The following PAX5 variants were observed in gnomAD, a reference collection of about 807,000 sequenced individuals.
The protein encoded by PAX5 is paired box protein Pax-5.
In PAX5, 9 loss-of-function variants were observed where a neutral mutation model predicts 43.7. That is an observed-to-expected ratio of 0.21 (90% CI 0.12 to 0.36). The LOEUF (loss-of-function observed/expected upper bound fraction) is 0.36. PAX5 is among the 10% of genes least tolerant of loss of function. The pLI is 1.00. For synonymous variants in PAX5, 228 were observed against 214.3 expected (o/e 1.06, Z -0.56); for missense variants, 383 against 532.7 (o/e 0.72, Z 2.77).
At chr9:36,932,545 C>T (rs74624293) in intron 6 of PAX5, among the ~76,000 whole-genome samples, 5,926 of 152,184 alleles carry the variant, frequency 0.039, 150 homozygotes, top group East Asian at 0.096. Flanking sequence ...GAGCACAGAT[C>T]CATGATTGGC....
Position 36,969,595 on chromosome 9 carries a change from G to A in PAX5, c.605-2871C>T, listed in dbSNP as rs560144818. Among the ~76,000 whole-genome samples, 210 of 152,350 alleles carry A rather than the reference G, an allele frequency of 1.4e-3. 1 individual carries two copies. The highest frequency in any genetic ancestry group is 4.7e-3 in the African/African-American group (197 of 41,570). On this transcript the variant is annotated intron_variant, in intron 5 of 9. Transcript: ENST00000358127. The stretch of plus-strand genomic sequence containing the variant: ...CAGCACAGGCAGCCTCGCTGGACAC[G>A]CGCCCCTCTCTGCAGTCTCCCCAGA...
At chr9:36,905,224 C>T (rs151278866) in intron 7 of PAX5, among the ~76,000 whole-genome samples, 171 of 152,310 alleles carry the variant, frequency 1.1e-3, no homozygotes, top group African/African-American at 3.6e-3. Flanking sequence ...CCGGGGAGGC[C>T]GGACCCCTGG....
At chr9:36,918,742 T>A (rs1000945969) in intron 7 of PAX5, among the ~76,000 whole-genome samples, 2 of 152,158 alleles carry the variant, frequency 1.3e-5, no homozygotes, top group Non-Finnish European at 2.9e-5. Context: ...GCACTAACTC[T>A]CTTTAATTTT....
At chr9:36,848,719 C>A (rs532854607) in intron 8 of PAX5, among the ~76,000 whole-genome samples, 1 of 152,280 alleles carries the variant, frequency 6.6e-6, no homozygotes, top group African/African-American at 2.4e-5. Context: ...GTGGCAGAGG[C>A]CACCTCTGCA....
intron 6 of PAX5, among the ~76,000 whole-genome samples, chr9:36,942,742 T>G (rs919752368): frequency 6.6e-6 from 1 of 152,236 alleles, no homozygotes; most frequent in Non-Finnish European, 1.5e-5. Context: ...TAATAAAATT[T>G]TAACCTAGGT....
chr9:36,871,377 C>T (rs995751421), intron 8 of PAX5, among the ~76,000 whole-genome samples: 1 of 152,216 alleles, frequency 6.6e-6, no homozygotes, highest in South Asian at 2.1e-4. Context: ...CCTCAGGACA[C>T]CCTCACTTTG....
intron 8 of PAX5, among the ~76,000 whole-genome samples, chr9:36,879,528 G>A (rs147640933): frequency 1.3e-5 from 2 of 152,314 alleles, no homozygotes; most frequent in African/African-American, 4.8e-5. Flanking sequence ...AGGCAGCCCA[G>A]GGCACAGGAA....
At chr9:36,849,494 G>A (rs921920765) in intron 8 of PAX5, among the ~76,000 whole-genome samples, 6 of 152,254 alleles carry the variant, frequency 3.9e-5, no homozygotes, top group Non-Finnish European at 5.9e-5. Flanking sequence ...GCCTCTAGTA[G>A]GCAGGAATAA....
intron 1 of PAX5, among the ~76,000 whole-genome samples, chr9:37,025,687 G>GCAGGTAATGGGTA: frequency 6.6e-6 from 1 of 152,238 alleles, no homozygotes; most frequent in East Asian, 1.9e-4. Flanking sequence ...GGTAATGGGT[G>GCAGGTAATGGGTA]AATTGGCAGG....
chr9:36,989,441 T>A (rs1836740582), intron 5 of PAX5, among the ~76,000 whole-genome samples: 1 of 152,122 alleles, frequency 6.6e-6, no homozygotes, highest in African/African-American at 2.4e-5. Flanking sequence ...ATAATAAGAG[T>A]ATCCACCTGG....
At chr9:36,919,351 T>C (rs1829957885) in intron 7 of PAX5, among the ~76,000 whole-genome samples, 1 of 152,232 alleles carries the variant, frequency 6.6e-6, no homozygotes. Context: ...GAGATGAATG[T>C]TGTTTTCATG....
chr9:36,979,152 G>A (rs1418669542), intron 5 of PAX5, among the ~76,000 whole-genome samples: 1 of 152,138 alleles, frequency 6.6e-6, no homozygotes, highest in Non-Finnish European at 1.5e-5. Context: ...AGATGTACTC[G>A]GACTGGCTCG....
intron 8 of PAX5, among the ~76,000 whole-genome samples, chr9:36,860,034 C>CA (rs36070204): frequency 0.17 from 22,304 of 129,804 alleles, 1,675 homozygotes; most frequent in Middle Eastern, 0.32. Context: ...GGCTCTGTCT[C>CA]AAAAAAAAAA....
chr9:36,879,086 G>A (rs1460013619), intron 8 of PAX5, among the ~76,000 whole-genome samples: 1 of 152,220 alleles, frequency 6.6e-6, no homozygotes, highest in Non-Finnish European at 1.5e-5. Flanking sequence ...CCACACTCGT[G>A]CACCCTCCTC....
rs2132423887 is a variant in PAX5, at chr9:37,006,466, C to T, written c.475+7G>A. On this transcript the variant is annotated splice_region_variant and intron_variant, in intron 4 of 9. Transcript: ENST00000358127. ...ATTTTTAAATTTTTTTTAAAAGTTC[C>T]TCTTACCTATGCTGTGACTGGAAGC... 6.2e-7 allele frequency: 1 copy of T among 1,610,362 alleles called. No homozygotes were observed. The highest frequency in any genetic ancestry group is 8.5e-7 in the Non-Finnish European group (1 of 1,176,888).
intron 7 of PAX5, among the ~76,000 whole-genome samples, chr9:36,916,542 T>C (rs901066866): frequency 1.4e-4 from 21 of 152,154 alleles, no homozygotes; most frequent in Non-Finnish European, 2.2e-4. Flanking sequence ...TTTTATGATA[T>C]TTAGTTTTTT....
At chr9:37,027,337 C>T (rs1840495963) in intron 1 of PAX5, among the ~76,000 whole-genome samples, 1 of 152,240 alleles carries the variant, frequency 6.6e-6, no homozygotes, top group Non-Finnish European at 1.5e-5. Flanking sequence ...CCGCTGCTCG[C>T]CCATCGCTGG....
At position 37,026,765 on chromosome 9, in the gene PAX5, G is replaced by A. The variant is rs1588270292; in HGVS notation, c.47-5964C>T. ...ACCGCCCGGAGCTGCGCGGAGAGGCGGGAAATGGTGCTAGCGCACCCGGGC... is the reference window on the plus strand; with the variant it reads ...ACCGCCCGGAGCTGCGCGGAGAGGCAGGAAATGGTGCTAGCGCACCCGGGC... On this transcript the variant is annotated intron_variant, in intron 1 of 9. Transcript: ENST00000358127. 1.2e-5 allele frequency: 12 copies of A among 973,010 alleles called. No individual in the cohort carries two copies. In the South Asian group the frequency reaches 3.8e-4, roughly 31 times the overall value. 60.3% of individuals were successfully genotyped at this position (973,010 alleles called of 1,614,324 possible). A position where few individuals can be genotyped will look rare whatever the true frequency, so the allele number is the denominator to read the frequency against.
chr9:36,981,195 C>CTT (rs1028859370), intron 5 of PAX5, among the ~76,000 whole-genome samples: 1 of 145,296 alleles, frequency 6.9e-6, no homozygotes, highest in Admixed American at 6.9e-5. Flanking sequence ...GCCCCCCCCC[C>CTT]CTCAGCCCTG....
Sources: gnomAD v4.1 joint callset for allele counts (sites outside exome capture counted in the v4.1 genomes callset) on GRCh38, gnomAD v4.1.1 for gene constraint, MANE v1.5 for transcripts, NCBI Gene and HGNC (gene_info 2026-07-23, HGNC 2026-07-21) for gene names.